B3GALT1: variants seen among roughly 807,000 people sequenced by gnomAD.
B3GALT1 encodes the protein beta-1,3-galactosyltransferase 1.
In B3GALT1, 10 loss-of-function variants were observed where a neutral mutation model predicts 23.2. That is an observed-to-expected ratio of 0.43 (90% CI 0.27 to 0.73). The LOEUF is 0.73. B3GALT1 is among the 30% of genes least tolerant of loss of function. The pLI is 0.21. For missense variants in B3GALT1, 299 were observed against 405.4 expected, an observed-to-expected ratio of 0.74 and a Z score of 2.25; for synonymous variants, 156 against 141.5, an observed-to-expected ratio of 1.10 and a Z score of -0.73.
rs193089177 is a variant in B3GALT1 at position 167,708,916 on chromosome 2, T to G, written c.-352+61950T>G. The stretch of plus-strand genomic sequence containing the variant: ...CCCCCAGTAAGAAGGCAGAAAATAT[T>G]ACTGTCTATTTTGCTTTAAAATATT... On this transcript the variant is annotated intron_variant, in intron 3 of 4. Transcript: ENST00000392690. Among the ~76,000 whole-genome samples the G allele has an allele frequency of 3.2e-3, 490 of 152,280 alleles. 2 individuals are homozygous for G. In the Middle Eastern group the frequency reaches 0.034, roughly 11 times the overall value.
intron 2 of B3GALT1, among the ~76,000 whole-genome samples, chr2:167,531,583 A>AAT (rs996106750): frequency 6.6e-6 from 1 of 152,146 alleles, no homozygotes; most frequent in Non-Finnish European, 1.5e-5. Context: ...TCATAAAAAT[A>AAT]ATATATATTG....
At chr2:167,315,115 G>C (rs2105488937) in intron 1 of B3GALT1, among the ~76,000 whole-genome samples, 1 of 152,194 alleles carries the variant, frequency 6.6e-6, no homozygotes, top group East Asian at 1.9e-4. Flanking sequence ...TGAAATATTA[G>C]TTAACTCTTT....
intron 3 of B3GALT1, among the ~76,000 whole-genome samples, chr2:167,701,625 C>A (rs1241018556): frequency 6.6e-6 from 1 of 152,144 alleles, no homozygotes; most frequent in Non-Finnish European, 1.5e-5. Context: ...TCTATGACTT[C>A]TTTATGCGCC....
At chr2:167,417,257 C>A (rs773619356) in intron 1 of B3GALT1, among the ~76,000 whole-genome samples, 13 of 151,956 alleles carry the variant, frequency 8.6e-5, no homozygotes, top group Admixed American at 2.0e-4. Flanking sequence ...TAGGATTAAT[C>A]GATTAATGGA....
intron 2 of B3GALT1, among the ~76,000 whole-genome samples, chr2:167,507,070 T>C (rs1056276203): frequency 4.1e-4 from 62 of 151,970 alleles, no homozygotes; most frequent in African/African-American, 1.4e-3. Flanking sequence ...ACCGTAAAAC[T>C]GACATAAAAA....
At chr2:167,532,695 AAAC>A (rs1352401083) in intron 2 of B3GALT1, among the ~76,000 whole-genome samples, 3 of 152,244 alleles carry the variant, frequency 2.0e-5, no homozygotes, top group African/African-American at 7.2e-5. Flanking sequence ...TTTTTAAAGA[AAAC>A]AATGCAACAT....
intron 1 of B3GALT1, among the ~76,000 whole-genome samples, chr2:167,336,485 C>T (rs1697058940): frequency 6.6e-6 from 1 of 152,182 alleles, no homozygotes; most frequent in African/African-American, 2.4e-5. Context: ...GGCATTCTTA[C>T]ATAAAAGCAG....
intron 3 of B3GALT1, among the ~76,000 whole-genome samples, chr2:167,778,399 T>C (rs1326366323): frequency 6.6e-6 from 1 of 152,210 alleles, no homozygotes. Context: ...CTTTTTTAAT[T>C]TTTAATTTCT....
intron 2 of B3GALT1, among the ~76,000 whole-genome samples, chr2:167,521,297 G>A (rs1006108843): frequency 2.0e-5 from 3 of 152,206 alleles, no homozygotes. Flanking sequence ...TAACAAGTGA[G>A]TGAAAGTTTT....
At chr2:167,842,382 A>G (rs1274826345) in intron 4 of B3GALT1, among the ~76,000 whole-genome samples, 1 of 152,188 alleles carries the variant, frequency 6.6e-6, no homozygotes, top group Admixed American at 6.5e-5. Context: ...ACTTACTTCT[A>G]TGTCATTATT....
chr2:167,562,652 T>TC (rs1267315532), intron 2 of B3GALT1, among the ~76,000 whole-genome samples: 6 of 150,598 alleles, frequency 4.0e-5, no homozygotes, highest in Admixed American at 4.0e-4. Flanking sequence ...AAGCATTCTT[T>TC]TTTTTTTTTT....
chr2:167,452,980 C>G (rs1699111281), intron 1 of B3GALT1, among the ~76,000 whole-genome samples: 1 of 152,142 alleles, frequency 6.6e-6, no homozygotes, highest in East Asian at 1.9e-4. Context: ...CCAGATCATT[C>G]TAATATGGAG....
At chr2:167,782,929 C>G (rs918724891) in intron 3 of B3GALT1, among the ~76,000 whole-genome samples, 4 of 152,154 alleles carry the variant, frequency 2.6e-5, no homozygotes, top group Admixed American at 6.5e-5. Context: ...AGATAAAATA[C>G]TAGACACAGC....
chr2:167,735,957 C>T (rs1191245411), intron 3 of B3GALT1, among the ~76,000 whole-genome samples: 2 of 152,124 alleles, frequency 1.3e-5, no homozygotes, highest in East Asian at 3.9e-4. Context: ...TCAAGCCAGA[C>T]CCTATACTAA....
chr2:167,618,419 A>C (rs1370980100), intron 2 of B3GALT1, among the ~76,000 whole-genome samples: 1 of 152,012 alleles, frequency 6.6e-6, no homozygotes, highest in Non-Finnish European at 1.5e-5. Context: ...AATTTTTCTG[A>C]ACCTTTTGAG....
intron 1 of B3GALT1, among the ~76,000 whole-genome samples, chr2:167,408,015 GACACACACACACACACACACAC>G (rs56318085): frequency 0.011 from 1,458 of 129,732 alleles, 25 homozygotes; most frequent in African/African-American, 0.038. Context: ...AGCAGGCAAA[GACACACACACACACACACACAC>G]ACACACACAC....
At chr2:167,564,753 A>T (rs1481857406) in intron 2 of B3GALT1, among the ~76,000 whole-genome samples, 1 of 152,248 alleles carries the variant, frequency 6.6e-6, no homozygotes, top group Non-Finnish European at 1.5e-5. Context: ...ACTCCCATTC[A>T]CAATTGCTTC....
At chr2:167,721,731 G>A (rs188605906) in intron 3 of B3GALT1, among the ~76,000 whole-genome samples, 18 of 152,334 alleles carry the variant, frequency 1.2e-4, no homozygotes, top group African/African-American at 4.3e-4. Context: ...CCTGACTGTG[G>A]CTGACACATC....
intron 1 of B3GALT1, among the ~76,000 whole-genome samples, chr2:167,429,597 A>C (rs879922907): frequency 6.6e-6 from 1 of 152,184 alleles, no homozygotes; most frequent in Non-Finnish European, 1.5e-5. Context: ...AAAAATAAGC[A>C]CAATGGCCAT....
Sources: gnomAD v4.1 joint callset for allele counts (sites outside exome capture counted in the v4.1 genomes callset) on GRCh38, gnomAD v4.1.1 for gene constraint, MANE v1.5 for transcripts, NCBI Gene and HGNC (gene_info 2026-07-23, HGNC 2026-07-21) for gene names.